The following RPS6KC1 variants were observed in gnomAD, a reference collection of about 807,000 sequenced individuals.
The protein encoded by RPS6KC1 is inactive ribosomal protein S6 kinase delta-1.
Under a neutral mutation model 103.8 loss-of-function variants are expected in RPS6KC1, and 54 were observed. That is an observed-to-expected ratio of 0.52 (90% CI 0.42 to 0.65). The LOEUF is 0.65. RPS6KC1 is among the 30% of genes least tolerant of loss of function. The pLI is 0.00. For synonymous variants in RPS6KC1, 439 were observed against 438.7 expected (o/e 1.00, Z -0.01); for missense variants, 1,151 against 1,253.8 (o/e 0.92, Z 1.24).
At chr1:213,382,180 G>T in the RPS6KC1 span, among the ~76,000 whole-genome samples, 1 of 152,276 alleles carries the variant, frequency 6.6e-6, no homozygotes, top group East Asian at 1.9e-4. Context: ...TAAGAATACG[G>T]TGGGGTTGTT....
chr1:213,742,186 T>G, the RPS6KC1 span, among the ~76,000 whole-genome samples: 1 of 152,186 alleles, frequency 6.6e-6, no homozygotes, highest in Non-Finnish European at 1.5e-5. Flanking sequence ...AATTAACTTT[T>G]TAAAAATTTG....
the RPS6KC1 span, chr1:213,837,196 A>G: frequency 6.6e-6 from 1 of 152,158 alleles, no homozygotes; most frequent in Non-Finnish European, 1.5e-5. Flanking sequence ...TTTTAAAAAT[A>G]GAAAGGGGAC....
At chr1:213,117,251 T>C in intron 4 of RPS6KC1, 66 bp from the exon 5 acceptor site, 1 of 878,724 alleles carries the variant, frequency 1.1e-6, no homozygotes, top group Non-Finnish European at 1.8e-6. Context: ...TTGGGATAAC[T>C]ATTTTTTATT....
intron 4 of RPS6KC1, among the ~76,000 whole-genome samples, 194 bp downstream of exon 4, chr1:213,104,763 G>C (rs1209679473): frequency 6.8e-6 from 1 of 146,466 alleles, no homozygotes; most frequent in Non-Finnish European, 1.5e-5. Flanking sequence ...TTTTTTAAAG[G>C]AACTGGTTCT....
At chr1:213,589,938 G>GGGGTGTGTGTGT in the RPS6KC1 span, among the ~76,000 whole-genome samples, 335 of 132,814 alleles carry the variant, frequency 2.5e-3, no homozygotes, top group African/African-American at 0.01. Flanking sequence ...AAAAGGTAGT[G>GGGGTGTGTGTGT]GTGTGTGTGT....
chr1:213,180,197 C>T (rs185122501), intron 8 of RPS6KC1, among the ~76,000 whole-genome samples: 1 of 152,162 alleles, frequency 6.6e-6, no homozygotes, highest in East Asian at 1.9e-4. Context: ...TAGTTGAGGG[C>T]TGTCTTGAAT....
intron 8 of RPS6KC1, among the ~76,000 whole-genome samples, chr1:213,191,900 C>T (rs1224225426): frequency 3.9e-5 from 6 of 152,072 alleles, no homozygotes; most frequent in Non-Finnish European, 5.9e-5. Flanking sequence ...CCTCCGCCTC[C>T]CATGTTCGAG....
intron 6 of RPS6KC1, among the ~76,000 whole-genome samples, chr1:213,135,074 C>T (rs2086122209): frequency 6.6e-6 from 1 of 152,086 alleles, no homozygotes; most frequent in Non-Finnish European, 1.5e-5. Flanking sequence ...CATAGACGCC[C>T]TTTATCATGT....
chr1:213,654,467 AAAATCC>A, the RPS6KC1 span, among the ~76,000 whole-genome samples: 1 of 152,192 alleles, frequency 6.6e-6, no homozygotes, highest in Admixed American at 6.5e-5. Context: ...AAATGAAACA[AAAATCC>A]AAATCCAACC....
chr1:213,799,831 TC>T, the RPS6KC1 span, among the ~76,000 whole-genome samples: 1 of 152,202 alleles, frequency 6.6e-6, no homozygotes, highest in Non-Finnish European at 1.5e-5. Context: ...GGTATCTTAG[TC>T]AGCTCAGGCT....
intron 7 of RPS6KC1, among the ~76,000 whole-genome samples, chr1:213,172,687 T>C (rs1573002640): frequency 6.6e-6 from 1 of 151,840 alleles, no homozygotes; most frequent in Non-Finnish European, 1.5e-5. Flanking sequence ...TTGAGAAGAG[T>C]TGTGAGACTG....
chr1:213,274,513 C>T lies in RPS6KC1; in HGVS notation c.*1879C>T, dbSNP rs2095102921. The T allele has an allele frequency of 6.6e-6, 1 of 152,180 alleles. No individual in the cohort carries two copies. The allele number at this position is 152,180 out of a possible 1,614,324, so 9.4% of individuals were successfully genotyped here. The stretch of plus-strand genomic sequence containing the variant: ...TGCTTCAGTTTCTCCCCTTTTCTCT[C>T]TATATGTTTGGTTGGAGCTTGTGCC... On this transcript the variant is annotated 3_prime_UTR_variant, in exon 15 of 15. Coordinates refer to ENST00000366960, the MANE Select transcript of RPS6KC1 (RefSeq NM_012424.6).
intron 6 of RPS6KC1, among the ~76,000 whole-genome samples, chr1:213,167,398 GT>G (rs2091056512): frequency 6.8e-6 from 1 of 147,080 alleles, no homozygotes; most frequent in Non-Finnish European, 1.5e-5. Flanking sequence ...AGGAAACATT[GT>G]TTTGTAGGAT....
the RPS6KC1 span, among the ~76,000 whole-genome samples, chr1:213,756,208 T>A: frequency 6.6e-6 from 1 of 152,200 alleles, no homozygotes; most frequent in Admixed American, 6.5e-5. Context: ...CTGGACCAGA[T>A]CATGGAATAA....
the RPS6KC1 span, among the ~76,000 whole-genome samples, chr1:213,321,970 T>C: frequency 6.6e-6 from 1 of 150,968 alleles, no homozygotes; most frequent in African/African-American, 2.4e-5. Flanking sequence ...AAGGCCAGAG[T>C]GGAATGAGTG....
chr1:213,115,351 G>A (rs1361060753), intron 4 of RPS6KC1, among the ~76,000 whole-genome samples: 4 of 152,048 alleles, frequency 2.6e-5, no homozygotes, highest in East Asian at 1.9e-4. Context: ...AGAGGTGTCT[G>A]TAGTATTCTC....
chr1:213,470,505 T>TA, the RPS6KC1 span, among the ~76,000 whole-genome samples: 1 of 152,194 alleles, frequency 6.6e-6, no homozygotes, highest in African/African-American at 2.4e-5. Context: ...CAGTAACTAT[T>TA]AAAGAGTATT....
chr1:213,515,837 C>T, the RPS6KC1 span, among the ~76,000 whole-genome samples: 14 of 152,062 alleles, frequency 9.2e-5, no homozygotes, highest in African/African-American at 2.4e-4. Context: ...GCCATTTTCG[C>T]GATATTGATT....
At chr1:213,545,400 AAATAAATAAAT>A in the RPS6KC1 span, among the ~76,000 whole-genome samples, 45 of 84,172 alleles carry the variant, frequency 5.3e-4, no homozygotes, top group Non-Finnish European at 9.3e-4. Flanking sequence ...ATAAATAAAT[AAATAAATAAAT>A]AAATAAAATA....
Sources: allele counts gnomAD v4.1 joint callset (sites outside exome capture counted in the v4.1 genomes callset), GRCh38; gene constraint gnomAD v4.1.1; transcripts MANE v1.5; gene names NCBI Gene and HGNC (gene_info 2026-07-23, HGNC 2026-07-21).